The following TCF12 variants were observed in gnomAD, a reference collection of about 807,000 sequenced individuals.
The protein encoded by TCF12 is transcription factor 12.
Under a neutral mutation model 86.0 loss-of-function variants are expected in TCF12, and 45 were observed. The ratio of observed to expected loss-of-function variants is 0.52; its 90% CI spans 0.41 to 0.67. The LOEUF is 0.67. TCF12 is among the 30% of genes least tolerant of loss of function. The pLI, the probability that TCF12 is intolerant of heterozygous loss-of-function variation, is 0.00. For synonymous variants in TCF12, 330 were observed against 299.6 expected (o/e 1.10, Z -1.05); for missense variants, 881 against 859.9 (o/e 1.02, Z -0.31).
intron 4 of TCF12, among the ~76,000 whole-genome samples, chr15:57,075,758 T>TTTTCTTTCTTTCTTTCTTTC: frequency 1.1e-5 from 1 of 91,298 alleles, no homozygotes; most frequent in Non-Finnish European, 2.3e-5. Flanking sequence ...ATGAGGTTTC[T>TTTTCTTTCTTTCTTTCTTTC]TTTCTTTCTT....
chr15:56,967,495 CCTT>C (rs1487792538), intron 3 of TCF12, among the ~76,000 whole-genome samples: 4 of 152,178 alleles, frequency 2.6e-5, no homozygotes, highest in Admixed American at 6.5e-5. Context: ...GGCTCCTTCT[CCTT>C]CTTCTGTTTG....
chr15:57,253,577 A>G, intron 16 of TCF12, 109 bp downstream of exon 16: 1 of 1,298,770 alleles, frequency 7.7e-7, no homozygotes. Context: ...GCAAAGACTG[A>G]CTTTTCAGAA....
intron 7 of TCF12, among the ~76,000 whole-genome samples, chr15:57,197,571 G>A (rs2057334696): frequency 6.6e-6 from 1 of 152,092 alleles, no homozygotes; most frequent in African/African-American, 2.4e-5. Flanking sequence ...TGTATTTTCA[G>A]AATGTATCAC....
chr15:57,085,187 A>G (rs2048543293), intron 4 of TCF12, among the ~76,000 whole-genome samples: 1 of 152,180 alleles, frequency 6.6e-6, no homozygotes, highest in Admixed American at 6.5e-5. Context: ...AAACTTAAGC[A>G]CTTCATTACA....
At chr15:57,119,168 C>G (rs1420514754) in intron 5 of TCF12, among the ~76,000 whole-genome samples, 1 of 152,164 alleles carries the variant, frequency 6.6e-6, no homozygotes, top group African/African-American at 2.4e-5. Flanking sequence ...TCTCAGCTCA[C>G]TGCAATCTCC....
intron 3 of TCF12, among the ~76,000 whole-genome samples, chr15:57,018,921 G>C (rs1219851863): frequency 2.0e-5 from 3 of 152,204 alleles, no homozygotes; most frequent in African/African-American, 7.2e-5. Flanking sequence ...ATTCTGTGCT[G>C]AGATGTGTTG....
At chr15:57,171,878 A>G (rs902001957) in intron 6 of TCF12, among the ~76,000 whole-genome samples, 4 of 152,252 alleles carry the variant, frequency 2.6e-5, no homozygotes, top group Non-Finnish European at 5.9e-5. Context: ...TCAGTATAAC[A>G]AAGTTTTTCA....
chr15:57,188,823 C>CT (rs1286858275), intron 6 of TCF12, among the ~76,000 whole-genome samples: 15 of 152,228 alleles, frequency 9.9e-5, no homozygotes, highest in Non-Finnish European at 7.3e-5. Context: ...GGGTCTCACT[C>CT]TGTCACCTGG....
At chr15:57,139,930 G>A (rs1353509708) in intron 5 of TCF12, among the ~76,000 whole-genome samples, 3 of 152,162 alleles carry the variant, frequency 2.0e-5, no homozygotes, top group Admixed American at 2.0e-4. Context: ...TTAACATTTG[G>A]AGTATAGTAG....
At chr15:56,933,393 A>G (rs2060330433) in intron 3 of TCF12, among the ~76,000 whole-genome samples, 1 of 152,174 alleles carries the variant, frequency 6.6e-6, no homozygotes, top group African/African-American at 2.4e-5. Flanking sequence ...ATCTGTAGGT[A>G]TTTGAGCGAG....
At chr15:57,075,447 T>G (rs2069805104) in intron 4 of TCF12, among the ~76,000 whole-genome samples, 1 of 152,186 alleles carries the variant, frequency 6.6e-6, no homozygotes, top group African/African-American at 2.4e-5. Flanking sequence ...TCCTTGTCAC[T>G]GAAATTAGTT....
chr15:56,994,614 A>C (rs954612011), intron 3 of TCF12, among the ~76,000 whole-genome samples: 1 of 152,104 alleles, frequency 6.6e-6, no homozygotes, highest in South Asian at 2.1e-4. Context: ...CAATGATTCT[A>C]ATGACTTCAG....
At chr15:57,222,621 G>C (rs1194546262) in intron 8 of TCF12, among the ~76,000 whole-genome samples, 1 of 151,574 alleles carries the variant, frequency 6.6e-6, no homozygotes, top group Non-Finnish European at 1.5e-5. Context: ...GGTTTCTGAG[G>C]TTCCTTCTTT....
intron 4 of TCF12, among the ~76,000 whole-genome samples, chr15:57,080,695 G>A (rs2070560403): frequency 6.6e-6 from 1 of 152,056 alleles, no homozygotes; most frequent in Non-Finnish European, 1.5e-5. Flanking sequence ...TTTTGCAATT[G>A]TCAGTGCATT....
In TCF12 at chr15:56,932,548, GATTT is replaced by G. The variant is rs370427308; in HGVS notation, c.148+11460_148+11463del. 6.8e-4 allele frequency among the ~76,000 whole-genome samples: 103 copies of G among 152,098 alleles called. 3 individuals carry two copies. The East Asian group carries it at 0.019, about 27-fold the overall frequency. ...TTGATATTCTCCAAAAGTGCTTCAA[GATTT>G]ATTTATTTAATTATTATTATTATTA... On this transcript the variant is annotated intron_variant, in intron 3 of 20. Coordinates refer to ENST00000333725, the MANE Select transcript of TCF12 (RefSeq NM_207037.2).
chr15:57,019,797 C>T (rs893748931), intron 3 of TCF12, among the ~76,000 whole-genome samples: 1 of 152,028 alleles, frequency 6.6e-6, no homozygotes, highest in Non-Finnish European at 1.5e-5. Flanking sequence ...CACATGACTC[C>T]CTAGAAGCAA....
Position 56,942,212 on chromosome 15 carries a change from T to C in TCF12, c.148+21114T>C, listed in dbSNP as rs191841437. 2.0e-5 allele frequency among the ~76,000 whole-genome samples: 3 copies of C among 152,314 alleles called. No individual in the cohort carries two copies. In the East Asian group the frequency reaches 5.8e-4, roughly 29 times the overall value. On this transcript the variant is annotated intron_variant, in intron 3 of 20. Coordinates refer to ENST00000333725, the MANE Select transcript of TCF12 (RefSeq NM_207037.2). ...TTCTAAGATGAGATAATTGGTATTT[T>C]TATGATTTGAATGGAGGCTTTGTAT...
chr15:57,020,069 C>T (rs1172396403), intron 3 of TCF12, among the ~76,000 whole-genome samples: 1 of 152,190 alleles, frequency 6.6e-6, no homozygotes, highest in Non-Finnish European at 1.5e-5. Context: ...AGACTTCTCT[C>T]TCACTGTCAT....
chr15:56,924,592 A>G (rs1290226885), intron 3 of TCF12, among the ~76,000 whole-genome samples: 23 of 152,182 alleles, frequency 1.5e-4, no homozygotes, highest in Admixed American at 1.3e-3. Context: ...TTATGTACAT[A>G]TTAGTGTTGA....
Sources: allele counts gnomAD v4.1 joint callset (sites outside exome capture counted in the v4.1 genomes callset), GRCh38; gene constraint gnomAD v4.1.1; transcripts MANE v1.5; gene names NCBI Gene and HGNC (gene_info 2026-07-23, HGNC 2026-07-21).